Variants in JMJD1C observed in about 807,000 individuals in gnomAD.
JMJD1C encodes the protein jumonji domain containing 1C.
Under a neutral mutation model 245.3 loss-of-function variants are expected in JMJD1C, and 31 were observed. The observed-to-expected ratio is 0.13, with a 90% CI of 0.09 to 0.17. The LOEUF (loss-of-function observed/expected upper bound fraction) is 0.17, where lower values mean the gene tolerates loss of function less well. JMJD1C is among the 10% of genes least tolerant of loss of function. JMJD1C has a pLI of 1.00. For missense variants in JMJD1C, 2,691 were observed against 3,000.2 expected, an observed-to-expected ratio of 0.90 and a Z score of 2.41; for synonymous variants, 1,057 against 1,017.4, an observed-to-expected ratio of 1.04 and a Z score of -0.74.
At chr10:63,314,603 G>A (rs1011672128) in intron 2 of JMJD1C, among the ~76,000 whole-genome samples, 2 of 150,466 alleles carry the variant, frequency 1.3e-5, no homozygotes, top group African/African-American at 4.9e-5. Flanking sequence ...GGTAGGCTTC[G>A]CTTCTTTGTA....
intron 1 of JMJD1C, among the ~76,000 whole-genome samples, chr10:63,453,710 T>C (rs1268398648): frequency 6.6e-6 from 1 of 152,146 alleles, no homozygotes; most frequent in African/African-American, 2.4e-5. Flanking sequence ...AGGAAAAAAC[T>C]TGCATGTGAA....
intron 10 of JMJD1C, chr10:63,204,929 A>C (rs1423718120): frequency 1.0e-6 from 1 of 985,206 alleles, no homozygotes; most frequent in East Asian, 1.1e-4. Flanking sequence ...AGTGCTTGTG[A>C]AAGTACTTTG....
chr10:63,374,979 CTTCT>C (rs999703774), intron 2 of JMJD1C, among the ~76,000 whole-genome samples: 1 of 151,996 alleles, frequency 6.6e-6, no homozygotes. Context: ...CACAATTTTA[CTTCT>C]TTCTTTCCAA....
chr10:63,309,987 A>T (rs1440637444), intron 2 of JMJD1C, among the ~76,000 whole-genome samples: 1 of 152,228 alleles, frequency 6.6e-6, no homozygotes, highest in Non-Finnish European at 1.5e-5. Flanking sequence ...ACTGGACAAA[A>T]GATCACGTCA....
At position 63,465,671 on chromosome 10, in the gene JMJD1C, C is replaced by T. The variant is rs1288994751; in HGVS notation, c.-9G>A. On this transcript the variant is annotated 5_prime_UTR_variant, in exon 1 of 26. Coordinates refer to ENST00000399262, the MANE Select transcript of JMJD1C (RefSeq NM_032776.3). ...CGCGTCTCTACCGCCATAGCTGTCG[C>T]TGCCGAAGCGGCCGCTGCCTCCTCC... 6.2e-7 allele frequency: 1 copy of T among 1,607,526 alleles called. No homozygotes were observed. The highest frequency in any genetic ancestry group is 8.5e-7 in the Non-Finnish European group (1 of 1,179,848).
chr10:63,519,972 T>A, intron 1 of JMJD1C, among the ~76,000 whole-genome samples: 1 of 152,194 alleles, frequency 6.6e-6, no homozygotes, highest in East Asian at 1.9e-4. Flanking sequence ...CAAATAATGC[T>A]GAATAATGGC....
At chr10:63,366,932 T>C (rs990548537) in intron 2 of JMJD1C, among the ~76,000 whole-genome samples, 2 of 152,348 alleles carry the variant, frequency 1.3e-5, no homozygotes, top group Middle Eastern at 3.4e-3. Context: ...AGCCTGGTTT[T>C]TGGCCAGATC....
At chr10:63,344,191 AT>A (rs1462988458) in intron 2 of JMJD1C, among the ~76,000 whole-genome samples, 1 of 152,192 alleles carries the variant, frequency 6.6e-6, no homozygotes, top group Non-Finnish European at 1.5e-5. Flanking sequence ...TGCAAGCTCC[AT>A]TCATGGTAAG....
At chr10:63,279,296 T>C (rs924106807) in intron 2 of JMJD1C, among the ~76,000 whole-genome samples, 1 of 152,044 alleles carries the variant, frequency 6.6e-6, no homozygotes, top group Non-Finnish European at 1.5e-5. Context: ...ATATGTCTTA[T>C]GATAAAAACA....
In JMJD1C at chr10:63,222,843, G is replaced by A. The variant is rs576813070; in HGVS notation, c.448-2860C>T. 1.4e-4 allele frequency: 202 copies of A among 1,441,286 alleles called. 4 individuals are homozygous for A. In the South Asian group the frequency reaches 2.0e-3, roughly 15 times the overall value. The allele number at this position is 1,441,286 out of a possible 1,614,324, so 89.3% of individuals were successfully genotyped here. On this transcript the variant is annotated intron_variant, in intron 3 of 25. Transcript: ENST00000399262. ...GATGCACCTTGGTGTGGAGTCAAAA[G>A]TACACATGCTGGATCAAAATATATA...
intron 3 of JMJD1C, among the ~76,000 whole-genome samples, chr10:63,231,725 C>T (rs780400633): frequency 1.6e-4 from 24 of 152,062 alleles, no homozygotes; most frequent in Admixed American, 1.4e-3. Flanking sequence ...ATCCAGAAGG[C>T]GGAGGTTGTG....
At chr10:63,309,733 A>G (rs1007373179) in intron 2 of JMJD1C, among the ~76,000 whole-genome samples, 3 of 152,076 alleles carry the variant, frequency 2.0e-5, no homozygotes, top group African/African-American at 7.2e-5. Flanking sequence ...CCTGACCAAC[A>G]TGGTGAAACC....
chr10:63,409,911 T>C (rs1338666009), intron 1 of JMJD1C, among the ~76,000 whole-genome samples: 1 of 152,180 alleles, frequency 6.6e-6, no homozygotes, highest in Admixed American at 6.5e-5. Context: ...ACTTTCCTTT[T>C]GCATAAGGAG....
At chr10:63,329,747 G>A (rs907783297) in intron 2 of JMJD1C, among the ~76,000 whole-genome samples, 7 of 152,298 alleles carry the variant, frequency 4.6e-5, no homozygotes, top group Middle Eastern at 3.4e-3. Flanking sequence ...GTGATACACC[G>A]TTGATACTCT....
At chr10:63,392,047 G>C (rs1467824558) in intron 1 of JMJD1C, among the ~76,000 whole-genome samples, 2 of 152,128 alleles carry the variant, frequency 1.3e-5, no homozygotes, top group Admixed American at 1.3e-4. Context: ...AATTTCCTCA[G>C]TTACAATTTT....
chr10:63,213,825 G>C lies in JMJD1C; in HGVS notation c.2342C>G (p.Pro781Arg). The C allele has an allele frequency of 6.2e-7, 1 of 1,613,980 alleles. No homozygotes were observed. Among genetic ancestry groups the C allele is most frequent in the Non-Finnish European group, 8.5e-7 (1 of 1,179,888 alleles). The change falls in exon 8 of 26, where the codon CCT becomes CGT. Residue 781 changes from proline to arginine, a missense_variant. Physicochemically the swap from Pro to Arg is moderately radical, Grantham distance 103. Transcript: ENST00000399262. ...AGCATGGTGTGGACCACTAGTCAGA[G>C]GATGAGTGTTAATGGTAGGTAATGG... ...QTPLPTINTHPLTSGPHHAVH... is the reference protein window; with the variant it reads ...QTPLPTINTHRLTSGPHHAVH...
At chr10:63,306,350 A>G (rs1307650776) in intron 2 of JMJD1C, among the ~76,000 whole-genome samples, 2 of 152,188 alleles carry the variant, frequency 1.3e-5, no homozygotes, top group African/African-American at 4.8e-5. Flanking sequence ...TTGGCCTCCC[A>G]AAGTACTGGA....
At chr10:63,263,874 G>A (rs1483371680) in intron 3 of JMJD1C, among the ~76,000 whole-genome samples, 1 of 149,314 alleles carries the variant, frequency 6.7e-6, no homozygotes, top group Non-Finnish European at 1.5e-5. Context: ...GGAAGTTGCA[G>A]TGAACCAAGA....
chr10:63,212,065 G>A (rs2133199682), intron 8 of JMJD1C, among the ~76,000 whole-genome samples: 1 of 152,232 alleles, frequency 6.6e-6, no homozygotes. Context: ...AGCTAAATAA[G>A]CCAGTAACAA....
Sources: allele counts gnomAD v4.1 joint callset (sites outside exome capture counted in the v4.1 genomes callset), GRCh38; gene constraint gnomAD v4.1.1; transcripts MANE v1.5; gene names NCBI Gene and HGNC (gene_info 2026-07-23, HGNC 2026-07-21).